The following COPA variants were observed in gnomAD, a reference collection of about 807,000 sequenced individuals.
COPA encodes coatomer subunit alpha.
COPA carries 10 observed loss-of-function variants against 158.7 expected under a neutral mutation model. The ratio of observed to expected loss-of-function variants is 0.06; its 90% confidence interval spans 0.04 to 0.11. The LOEUF (loss-of-function observed/expected upper bound fraction) is 0.11, where lower values mean the gene tolerates loss of function less well. COPA is among the 10% of genes least tolerant of loss of function. The probability of loss-of-function intolerance (pLI) is 1.00; values close to 1 mark genes in which losing one functional copy is unlikely to be tolerated. For synonymous variants in COPA, 462 were observed against 542.8 expected (o/e 0.85, Z 2.07); for missense variants, 1,065 against 1,536.7 (o/e 0.69, Z 5.13).
chr1:160,328,942 A>G (rs1647382375), intron 6 of COPA, among the ~76,000 whole-genome samples: 2 of 152,192 alleles, frequency 1.3e-5, no homozygotes, highest in Non-Finnish European at 2.9e-5. Context: ...TCAAAAAAAA[A>G]TAGTCAAAAA....
chr1:160,311,280 A>G (rs1658958238), intron 11 of COPA, among the ~76,000 whole-genome samples: 1 of 151,780 alleles, frequency 6.6e-6, no homozygotes, highest in Admixed American at 6.6e-5. Context: ...CTCTACTCAA[A>G]ATACAAAATT....
chr1:160,339,062 C>T (rs934676774), intron 3 of COPA, among the ~76,000 whole-genome samples: 3 of 143,974 alleles, frequency 2.1e-5, no homozygotes, highest in South Asian at 4.4e-4. Context: ...TAGTTAATGA[C>T]ACCCCCTTTA....
intron 1 of COPA, 107 bp downstream of exon 1, chr1:160,343,024 G>C (rs1648164981): frequency 2.2e-6 from 3 of 1,365,948 alleles, no homozygotes; most frequent in Non-Finnish European, 3.1e-6. Flanking sequence ...CTCCGGGTCC[G>C]TCTGGTGGGC....
intron 31 of COPA, among the ~76,000 whole-genome samples, chr1:160,291,131 C>T (rs1342851727): frequency 1.3e-5 from 2 of 152,134 alleles, no homozygotes; most frequent in Non-Finnish European, 2.9e-5. Flanking sequence ...CACTCTTAGA[C>T]GAGTGCCATG....
At chr1:160,309,973 T>C (rs1194389501) in intron 12 of COPA, among the ~76,000 whole-genome samples, 2 of 152,202 alleles carry the variant, frequency 1.3e-5, no homozygotes, top group African/African-American at 4.8e-5. Context: ...TGATGCTCCA[T>C]TAAGTTCAGC....
Position 160,294,662 on chromosome 1 carries a change from C to T in COPA, c.2567-69G>A, listed in dbSNP as rs1162885161. 3 of 1,600,766 alleles carry T rather than the reference C, an allele frequency of 1.9e-6. No homozygotes were observed. In the African/African-American group the frequency reaches 4.0e-5, roughly 21 times the overall value. On this transcript the variant is annotated intron_variant, in intron 24 of 32. Coordinates refer to ENST00000241704, the MANE Select transcript of COPA (RefSeq NM_004371.4). The stretch of plus-strand genomic sequence containing the variant: ...TAATCTTAGCCAAAGGAAGTAAAAT[C>T]AATCCTAGTTCGTTTCATGGCCTGG...
chr1:160,289,990 T>C lies in COPA; in HGVS notation c.*167A>G. 1.5e-6 allele frequency: 1 copy of C among 674,394 alleles called. No individual in the cohort carries two copies. Among genetic ancestry groups the C allele is most frequent in the East Asian group, 2.6e-5 (1 of 37,850 alleles). 41.8% of individuals were successfully genotyped at this position (674,394 alleles called of 1,614,324 possible). ...TTGAGAAGACCTCAAAAAAGTCAAG[T>C]TTAGACCTTCGGATTTTCCATAGAA... is the stretch of plus-strand genomic sequence containing the variant. On this transcript the variant is annotated 3_prime_UTR_variant, in exon 33 of 33. Transcript: ENST00000241704.
intron 8 of COPA, among the ~76,000 whole-genome samples, chr1:160,320,783 T>A: frequency 8.0e-6 from 1 of 124,684 alleles, no homozygotes; most frequent in Non-Finnish European, 1.6e-5. Context: ...CCAATCCTAT[T>A]CAAACTCTTA....
chr1:160,306,753 G>A (rs1315754665), intron 14 of COPA, among the ~76,000 whole-genome samples: 1 of 152,204 alleles, frequency 6.6e-6, no homozygotes, highest in Admixed American at 6.5e-5. Flanking sequence ...ATGAGAGAGA[G>A]AAAACACTGT....
intron 8 of COPA, among the ~76,000 whole-genome samples, chr1:160,316,894 A>G (rs74125582): frequency 0.033 from 5,037 of 152,298 alleles, 278 homozygotes; most frequent in African/African-American, 0.12. Context: ...TGAGAACACC[A>G]AACAGGTCCA....
At chr1:160,327,836 C>T (rs934505957) in intron 6 of COPA, among the ~76,000 whole-genome samples, 3 of 152,146 alleles carry the variant, frequency 2.0e-5, no homozygotes, top group Non-Finnish European at 4.4e-5. Context: ...CCAGCCTGGG[C>T]AACAGAGTGA....
chr1:160,321,471 G>A (rs895954486), intron 8 of COPA, among the ~76,000 whole-genome samples: 5 of 152,100 alleles, frequency 3.3e-5, no homozygotes, highest in Non-Finnish European at 7.4e-5. Context: ...GTCCAGCTGC[G>A]GGATACAAAA....
intron 14 of COPA, 41 bp from the exon 15 acceptor site, chr1:160,306,534 GTA>G: frequency 6.2e-7 from 1 of 1,609,978 alleles, no homozygotes; most frequent in Non-Finnish European, 8.5e-7. Context: ...GAAGAAATGT[GTA>G]TAGATGATGA....
chr1:160,313,221 A>G (rs1659025011), intron 9 of COPA, 54 bp from the exon 10 acceptor site: 1 of 1,498,700 alleles, frequency 6.7e-7, no homozygotes, highest in African/African-American at 1.4e-5. Flanking sequence ...TCTTCAGCCC[A>G]TCCTACACAA....
At chr1:160,338,841 GTCT>G (rs763823792) in intron 3 of COPA, among the ~76,000 whole-genome samples, 80 of 152,174 alleles carry the variant, frequency 5.3e-4, no homozygotes, top group East Asian at 1.9e-4. Flanking sequence ...ATGATGGTCT[GTCT>G]TCTTATTCAA....
At chr1:160,341,177 A>T (rs1161191057) in intron 1 of COPA, among the ~76,000 whole-genome samples, 1 of 152,234 alleles carries the variant, frequency 6.6e-6, no homozygotes, top group African/African-American at 2.4e-5. Context: ...TGGAAATGGA[A>T]GTCCCCAGAG....
chr1:160,319,451 C>T (rs533754491), intron 8 of COPA, among the ~76,000 whole-genome samples: 1 of 150,360 alleles, frequency 6.7e-6, no homozygotes, highest in African/African-American at 2.5e-5. Flanking sequence ...AGAGCTAATA[C>T]CCCACTCTCA....
intron 4 of COPA, 80 bp downstream of exon 4, chr1:160,335,162 A>G: frequency 7.9e-7 from 1 of 1,273,164 alleles, no homozygotes; most frequent in Non-Finnish European, 1.1e-6. Flanking sequence ...TTATTAAAAC[A>G]TGGGTTCTCA....
intron 8 of COPA, among the ~76,000 whole-genome samples, chr1:160,318,913 T>C (rs1321154509): frequency 6.6e-6 from 1 of 151,492 alleles, no homozygotes; most frequent in Non-Finnish European, 1.5e-5. Flanking sequence ...AATTAAGACA[T>C]ATTACCAAAG....
Sources: allele counts gnomAD v4.1 joint callset (sites outside exome capture counted in the v4.1 genomes callset), GRCh38; gene constraint gnomAD v4.1.1; transcripts MANE v1.5; gene names NCBI Gene and HGNC (gene_info 2026-07-23, HGNC 2026-07-21).